AGAP1: variants seen among roughly 807,000 people sequenced by gnomAD.
AGAP1 encodes ArfGAP with GTPase domain, ankyrin repeat and PH domain 1.
In AGAP1, 29 loss-of-function variants were observed where a neutral mutation model predicts 105.3. The ratio of observed to expected loss-of-function variants is 0.28; its 90% CI spans 0.21 to 0.38. The LOEUF (loss-of-function observed/expected upper bound fraction) is 0.38. Among genes scored for constraint, AGAP1 ranks in the 10% least tolerant of loss-of-function variants. The pLI is 1.00. For synonymous variants in AGAP1, 509 were observed against 485.9 expected (o/e 1.05, Z -0.63); for missense variants, 998 against 1,165.1 (o/e 0.86, Z 2.09).
intron 12 of AGAP1, among the ~76,000 whole-genome samples, chr2:235,939,519 T>G (rs2053155450): frequency 6.6e-6 from 1 of 151,918 alleles, no homozygotes. Flanking sequence ...ACCATGGCCC[T>G]CTGCAGTTTC....
At chr2:235,510,809 G>T (rs1300583017) in intron 1 of AGAP1, among the ~76,000 whole-genome samples, 1 of 152,014 alleles carries the variant, frequency 6.6e-6, no homozygotes. Context: ...GGCTATAGGA[G>T]TGAGGCTGAG....
At chr2:235,782,066 A>G (rs942637921) in intron 6 of AGAP1, among the ~76,000 whole-genome samples, 55 of 152,350 alleles carry the variant, frequency 3.6e-4, no homozygotes, top group Admixed American at 3.9e-4. Context: ...CAGCAGGACT[A>G]ACTCTTCATT....
chr2:235,723,013 C>T lies in AGAP1; in HGVS notation c.310+5369C>T, dbSNP rs145109101. Among the ~76,000 whole-genome samples the T allele has an allele frequency of 8.9e-4, 136 of 152,240 alleles. 3 individuals are homozygous for T. In the East Asian group the frequency reaches 0.02, roughly 23 times the overall value. On this transcript the variant is annotated intron_variant, in intron 3 of 17. Transcript: ENST00000304032. This position sits in a 1 kb window ranked among gnomAD's most constrained non-coding sequence, Gnocchi z 6.2. ...GTTAGAGAAGCTTGGTTTAGACGGT[C>T]GCTGCACTTAGAACTGTTGGAGTTG...
intron 10 of AGAP1, among the ~76,000 whole-genome samples, chr2:235,896,505 C>G (rs1162917588): frequency 6.6e-6 from 1 of 152,212 alleles, no homozygotes; most frequent in Admixed American, 6.5e-5. Context: ...CTTACCAGCA[C>G]TCTGGTCATG....
At chr2:235,651,277 G>A (rs903190486) in intron 1 of AGAP1, among the ~76,000 whole-genome samples, 2 of 148,006 alleles carry the variant, frequency 1.4e-5, no homozygotes, top group Non-Finnish European at 3.0e-5. Flanking sequence ...GGTGGGGAAC[G>A]ACTCAATGGA....
intron 6 of AGAP1, among the ~76,000 whole-genome samples, chr2:235,791,658 C>T (rs966579298): frequency 1.3e-5 from 2 of 152,142 alleles, no homozygotes; most frequent in Admixed American, 1.3e-4. Flanking sequence ...AGCGATTCTC[C>T]TGCCTCAGTC....
intron 6 of AGAP1, among the ~76,000 whole-genome samples, chr2:235,773,032 C>T (rs1314151084): frequency 6.6e-6 from 1 of 152,136 alleles, no homozygotes; most frequent in East Asian, 1.9e-4. Context: ...AGGTTTTTGG[C>T]CTTTTGAGCA....
chr2:235,560,462 C>T (rs879360998), intron 1 of AGAP1, among the ~76,000 whole-genome samples: 5 of 152,062 alleles, frequency 3.3e-5, no homozygotes, highest in African/African-American at 9.7e-5. Context: ...GATGTTACCT[C>T]ACATGGCAAA....
chr2:235,863,871 G>C (rs2049037067), intron 9 of AGAP1, among the ~76,000 whole-genome samples: 1 of 152,224 alleles, frequency 6.6e-6, no homozygotes, highest in African/African-American at 2.4e-5. Context: ...GAAGAGTCAG[G>C]TGGATGAAAA....
chr2:235,834,116 C>T (rs189251769), intron 9 of AGAP1, among the ~76,000 whole-genome samples: 42 of 152,122 alleles, frequency 2.8e-4, no homozygotes, highest in Non-Finnish European at 4.3e-4. Context: ...CTCATTTGCC[C>T]GGTTGGAACA....
intron 1 of AGAP1, among the ~76,000 whole-genome samples, chr2:235,650,879 C>G (rs1033178342): frequency 2.0e-5 from 3 of 152,064 alleles, no homozygotes; most frequent in African/African-American, 7.2e-5. Flanking sequence ...CATTAGGAGA[C>G]AGCCAAGATA....
At position 236,123,788 on chromosome 2, in the gene AGAP1, C is replaced by A. The variant is rs956148561; in HGVS notation, c.2371-131C>A. On this transcript the variant is annotated intron_variant, in intron 17 of 17. Coordinates refer to ENST00000304032, the MANE Select transcript of AGAP1 (RefSeq NM_001037131.3). This position sits in a 1 kb window ranked among gnomAD's most constrained non-coding sequence, Gnocchi z 4.6. ...CCACCAGCACTGGATGGTCCTGGCA[C>A]CCCAGCCAGTTGTGTAGCTGGCCCC... The A allele has an allele frequency of 4.4e-6, 5 of 1,149,330 alleles. No individual in the cohort carries two copies. Among genetic ancestry groups the A allele is most frequent in the Non-Finnish European group, 5.0e-6 (4 of 800,326 alleles). 71.2% of individuals were successfully genotyped at this position (1,149,330 alleles called of 1,614,324 possible). A position where few individuals can be genotyped will look rare whatever the true frequency, so the allele number is the denominator to read the frequency against.
chr2:235,509,552 A>G (rs1941982757), intron 1 of AGAP1, among the ~76,000 whole-genome samples: 1 of 152,066 alleles, frequency 6.6e-6, no homozygotes, highest in South Asian at 2.1e-4. Context: ...GTTTACATAA[A>G]GTAAACTCCA....
Position 235,636,113 on chromosome 2 carries a change from C to CAGTAAATA in AGAP1, c.164-73064_164-73057dup, listed in dbSNP as rs1180079001. The stretch of plus-strand genomic sequence containing the variant: ...GGGCAACAAGAGCGAGACTCTGTCT[C>CAGTAAATA]AGTAAATAAATAAATAAATAAATAA... On this transcript the variant is annotated intron_variant, in intron 1 of 17. Coordinates refer to ENST00000304032, the MANE Select transcript of AGAP1 (RefSeq NM_001037131.3). Among the ~76,000 whole-genome samples the CAGTAAATA allele has an allele frequency of 1.3e-4, 13 of 96,512 alleles. No homozygotes were observed. In the East Asian group the frequency reaches 1.7e-3, roughly 12 times the overall value. The allele number at this position is 96,512 out of a possible 152,430, so 63.3% of individuals were successfully genotyped here.
At chr2:235,795,947 A>G (rs1180869902) in intron 6 of AGAP1, among the ~76,000 whole-genome samples, 2 of 152,216 alleles carry the variant, frequency 1.3e-5, no homozygotes, top group African/African-American at 4.8e-5. Flanking sequence ...TTTCCATAAC[A>G]TATTTGACTT....
rs566086126 is a variant in AGAP1, at chr2:235,539,128, C to T, written c.163+44279C>T. ...ATTTGAAATGGTGATCTGCGTTGGT[C>T]TCAAGACCTTGTGCAGCCTCGCAGA... On this transcript the variant is annotated intron_variant, in intron 1 of 17. Coordinates refer to ENST00000304032, the MANE Select transcript of AGAP1 (RefSeq NM_001037131.3). Among the ~76,000 whole-genome samples the T allele has an allele frequency of 2.0e-5, 3 of 152,328 alleles. No homozygotes were observed. The South Asian group carries it at 6.2e-4, about 32-fold the overall frequency.
Position 235,559,283 on chromosome 2 carries a change from G to A in AGAP1, c.163+64434G>A, listed in dbSNP as rs1402358003. On this transcript the variant is annotated intron_variant, in intron 1 of 17. Transcript: ENST00000304032. The surrounding 1 kb of genome is among the most constrained non-coding windows in gnomAD (Gnocchi z 5.7). Reference sequence around the variant, plus strand: ...AGTCTTTATAAAAATACGATGAAGGGGTGATTTGGGTGTCCCAAGACTGTT... The same window carrying A: ...AGTCTTTATAAAAATACGATGAAGGAGTGATTTGGGTGTCCCAAGACTGTT... Among the ~76,000 whole-genome samples, 1 of 152,026 alleles carries A rather than the reference G, an allele frequency of 6.6e-6. No individual in the cohort carries two copies. The highest frequency in any genetic ancestry group is 2.4e-5 in the African/African-American group (1 of 41,374).
chr2:235,653,744 A>G (rs1293225240), intron 1 of AGAP1, among the ~76,000 whole-genome samples: 1 of 152,204 alleles, frequency 6.6e-6, no homozygotes, highest in African/African-American at 2.4e-5. Flanking sequence ...TTTAAAAATT[A>G]AAAATGGCCT....
At chr2:235,630,639 TAGG>T (rs1315369828) in intron 1 of AGAP1, among the ~76,000 whole-genome samples, 2 of 152,200 alleles carry the variant, frequency 1.3e-5, no homozygotes, top group African/African-American at 4.8e-5. Context: ...GAGAAAGAAT[TAGG>T]GGGTTAGTTT....
Sources: gnomAD v4.1 joint callset for allele counts (sites outside exome capture counted in the v4.1 genomes callset) on GRCh38, gnomAD v4.1.1 for gene constraint, Gnocchi (gnomAD v3.1) non-coding constraint, MANE v1.5 for transcripts, NCBI Gene and HGNC (gene_info 2026-07-23, HGNC 2026-07-21) for gene names.